PCDHGA2: variants seen among roughly 807,000 people sequenced by gnomAD.
The protein encoded by PCDHGA2 is protocadherin gamma-A2.
A neutral mutation model predicts 59.2 loss-of-function variants in PCDHGA2; 40 were observed. That is an observed-to-expected ratio of 0.68 (90% CI 0.52 to 0.88). PCDHGA2 has a LOEUF of 0.88. PCDHGA2 is among the 40% of genes least tolerant of loss of function. The pLI is 0.00. For missense variants in PCDHGA2, 1,226 were observed against 1,204.0 expected, an observed-to-expected ratio of 1.02 and a Z score of -0.27; for synonymous variants, 560 against 526.0, an observed-to-expected ratio of 1.06 and a Z score of -0.89.
chr5:141,462,253 A>C (rs7717600), intron 1 of PCDHGA2, among the ~76,000 whole-genome samples: 42,489 of 152,124 alleles, frequency 0.28, 6,669 homozygotes, highest in African/African-American at 0.43. Context: ...AGCCACCATG[A>C]CCAGCCTAAA....
At chr5:141,364,333 G>A in intron 1 of PCDHGA2, 1 of 1,532,742 alleles carries the variant, frequency 6.5e-7, no homozygotes. Flanking sequence ...AGAAGGCAAT[G>A]GCGAGTCCAC....
chr5:141,442,135 G>C lies in PCDHGA2; in HGVS notation c.2425-52672G>C, dbSNP rs868124128. 8 of 164,066 alleles carry C rather than the reference G, an allele frequency of 4.9e-5. 1 individual carries two copies. The highest frequency in any genetic ancestry group is 2.8e-4 in the South Asian group (2 of 7,026). 10.2% of individuals were successfully genotyped at this position (164,066 alleles called of 1,614,324 possible). On this transcript the variant is annotated intron_variant, in intron 1 of 3. Transcript: ENST00000394576. ...CCCTCGTCGCCGACAGCCTGCAGGA[G>C]ACTCTGCCAGACCTCAGCGATCACT...
chr5:141,355,706 G>A (rs568835897), intron 1 of PCDHGA2: 7 of 1,613,984 alleles, frequency 4.3e-6, no homozygotes, highest in Admixed American at 1.7e-5. Flanking sequence ...TCCCTGCAGG[G>A]TTACCAGCTC....
At chr5:141,479,620 G>A (rs2099501211) in intron 1 of PCDHGA2, 2 of 152,192 alleles carry the variant, frequency 1.3e-5, no homozygotes, top group African/African-American at 4.8e-5. Context: ...GGGAAACCAT[G>A]TCTCTTTAAC....
rs773174763 is a variant in PCDHGA2 at position 141,477,409 on chromosome 5, C to T, written c.2425-17398C>T. The T allele has an allele frequency of 1.4e-5, 22 of 1,614,058 alleles. No homozygotes were observed. The highest frequency in any genetic ancestry group is 1.7e-5 in the Admixed American group (1 of 60,006). On this transcript the variant is annotated intron_variant, in intron 1 of 3. Transcript: ENST00000394576. This position sits in a 1 kb window ranked among gnomAD's most constrained non-coding sequence, Gnocchi z 4.9. ...ACAACCTCAGCATCACCGCCCGAGA[C>T]GCCGGAACCCCTTCCCTCTCAGCCC...
At chr5:141,368,400 C>T (rs1765636638) in intron 1 of PCDHGA2, among the ~76,000 whole-genome samples, 1 of 152,106 alleles carries the variant, frequency 6.6e-6, no homozygotes, top group Admixed American at 6.6e-5. Flanking sequence ...CACAAACACA[C>T]ATACATACAC....
chr5:141,374,564 G>C (rs898196714), intron 1 of PCDHGA2: 10 of 1,613,616 alleles, frequency 6.2e-6, no homozygotes, highest in Middle Eastern at 1.6e-4. Flanking sequence ...CTATGACCCT[G>C]ATGTGGGAAT....
chr5:141,494,996 C>A (rs2099758091), intron 2 of PCDHGA2, 131 bp downstream of exon 2: 2 of 1,539,742 alleles, frequency 1.3e-6, no homozygotes, highest in African/African-American at 1.4e-5. Context: ...CCAGGGAGGT[C>A]TTGGTGTGCG....
At chr5:141,492,954 A>G (rs2099745299) in intron 1 of PCDHGA2, among the ~76,000 whole-genome samples, 1 of 152,212 alleles carries the variant, frequency 6.6e-6, no homozygotes, top group Non-Finnish European at 1.5e-5. Context: ...TGACCAAACT[A>G]TCTGACACTC....
chr5:141,366,430 C>T (rs753944795), intron 1 of PCDHGA2: 6 of 1,614,174 alleles, frequency 3.7e-6, no homozygotes, highest in Non-Finnish European at 4.2e-6. Context: ...TGGCTGCAGT[C>T]TCCTGCGTCT....
At chr5:141,351,564 C>T in intron 1 of PCDHGA2, 1 of 1,614,074 alleles carries the variant, frequency 6.2e-7, no homozygotes, top group Non-Finnish European at 8.5e-7. Flanking sequence ...ACAAGCATCA[C>T]CCTGCACATC....
At chr5:141,500,348 A>G (rs2099799436) in intron 2 of PCDHGA2, among the ~76,000 whole-genome samples, 1 of 151,950 alleles carries the variant, frequency 6.6e-6, no homozygotes, top group Non-Finnish European at 1.5e-5. Context: ...AGCTGGGACT[A>G]CAGGCGCCCA....
chr5:141,456,383 T>G (rs1372337704), intron 1 of PCDHGA2, among the ~76,000 whole-genome samples: 4 of 152,130 alleles, frequency 2.6e-5, no homozygotes, highest in Admixed American at 2.6e-4. Flanking sequence ...ACAGCACCGT[T>G]TGGAGTTTGA....
chr5:141,456,236 T>G (rs1299029934), intron 1 of PCDHGA2, among the ~76,000 whole-genome samples: 1 of 152,120 alleles, frequency 6.6e-6, no homozygotes, highest in African/African-American at 2.4e-5. Flanking sequence ...TAACTGCTGT[T>G]AGGAGGCTTT....
rs370264318 is a variant in PCDHGA2, at chr5:141,403,767, G to C, written c.2424+62372G>C. 1.0e-4 allele frequency: 169 copies of C among 1,613,880 alleles called. No homozygotes were observed. In the East Asian group the frequency reaches 1.6e-3, roughly 16 times the overall value. Reference sequence around the variant, plus strand: ...GCAACAGCCAGCGACCTGGATGAGGGAATCAACGGAAAAGTGGCATACAAA... The same window carrying C: ...GCAACAGCCAGCGACCTGGATGAGGCAATCAACGGAAAAGTGGCATACAAA... On this transcript the variant is annotated intron_variant, in intron 1 of 3. Coordinates refer to ENST00000394576, the MANE Select transcript of PCDHGA2 (RefSeq NM_018915.4).
Position 141,419,271 on chromosome 5 carries a change from T to C in PCDHGA2, c.2425-75536T>C, listed in dbSNP as rs2096352878. 4 of 1,613,902 alleles carry C rather than the reference T, an allele frequency of 2.5e-6. No homozygotes were observed. In the South Asian group the frequency reaches 3.3e-5, roughly 13 times the overall value. ...GAAAACAACCAGCCGGGTGCCTCCA[T>C]AGCGCAAGTCAGTGCCTCTGACCCA... On this transcript the variant is annotated intron_variant, in intron 1 of 3. Transcript: ENST00000394576.
At chr5:141,463,629 GTT>G (rs923584581) in intron 1 of PCDHGA2, among the ~76,000 whole-genome samples, 5 of 151,314 alleles carry the variant, frequency 3.3e-5, no homozygotes, top group Middle Eastern at 3.4e-3. Flanking sequence ...TTTGTATTTT[GTT>G]TAGTAGAGAC....
At chr5:141,365,565 G>C (rs140294664) in intron 1 of PCDHGA2, 1 of 1,613,720 alleles carries the variant, frequency 6.2e-7, no homozygotes, top group Non-Finnish European at 8.5e-7. Flanking sequence ...GACCTGGACA[G>C]AGAAGAGACT....
chr5:141,438,579 CATACATACATACATATAT>C (rs1303045573), intron 1 of PCDHGA2, among the ~76,000 whole-genome samples: 21 of 55,772 alleles, frequency 3.8e-4, no homozygotes, highest in Admixed American at 1.1e-3. Context: ...GATATACATA[CATACATACATACATATAT>C]ATATATATAT....
Sources: allele counts gnomAD v4.1 joint callset (sites outside exome capture counted in the v4.1 genomes callset), GRCh38; gene constraint gnomAD v4.1.1; non-coding constraint Gnocchi (gnomAD v3.1); transcripts MANE v1.5; gene names NCBI Gene and HGNC (gene_info 2026-07-23, HGNC 2026-07-21).